The following NAV2 variants were observed in gnomAD, a reference collection of about 807,000 sequenced individuals.
NAV2 encodes the protein neuron navigator 2, also known as helicase, APC down-regulated 1.
A neutral mutation model predicts 223.2 loss-of-function variants in NAV2; 54 were observed. The observed-to-expected ratio is 0.24, with a 90% CI of 0.19 to 0.30. The LOEUF (loss-of-function observed/expected upper bound fraction) is 0.30. Ranked by LOEUF, NAV2 falls within the 10% of genes least tolerant of loss-of-function variation. The pLI is 1.00. For synonymous variants in NAV2, 1,279 were observed against 1,239.3 expected (o/e 1.03, Z -0.67); for missense variants, 2,806 against 3,147.5 (o/e 0.89, Z 2.60).
chr11:19,437,708 GA>G (rs11399913), intron 1 of NAV2, among the ~76,000 whole-genome samples: 1 of 151,674 alleles, frequency 6.6e-6, no homozygotes, highest in South Asian at 2.1e-4. Context: ...GTGCCACTCA[GA>G]AAAAAAAGTT....
At chr11:19,954,449 G>A (rs1276853038) in intron 10 of NAV2, among the ~76,000 whole-genome samples, 2 of 152,020 alleles carry the variant, frequency 1.3e-5, no homozygotes, top group African/African-American at 4.8e-5. Context: ...ATTGGTTTCA[G>A]GACCCCCAGA....
intron 1 of NAV2, among the ~76,000 whole-genome samples, chr11:19,725,936 A>C (rs751856562): frequency 1.3e-5 from 2 of 152,216 alleles, no homozygotes; most frequent in Non-Finnish European, 2.9e-5. Context: ...GTGAGGAAGC[A>C]GGCCATGGGC....
At chr11:19,523,714 A>G (rs554056605) in intron 1 of NAV2, among the ~76,000 whole-genome samples, 1 of 151,576 alleles carries the variant, frequency 6.6e-6, no homozygotes, top group African/African-American at 2.4e-5. Context: ...GAGCTTGATC[A>G]AGGTTTGCAA....
intron 1 of NAV2, among the ~76,000 whole-genome samples, chr11:19,355,771 G>A (rs546568658): frequency 1.6e-4 from 24 of 152,286 alleles, no homozygotes; most frequent in Middle Eastern, 3.4e-3. Flanking sequence ...TGTTTACCCG[G>A]GAACAATGCC....
rs191378471 is a variant in NAV2, at chr11:19,631,154, G to A, written c.76-201330G>A. ...AAGTTTTAGGGTACATGTGCACAAT[G>A]TGCAGGTTAGTTACATATGTATACA... On this transcript the variant is annotated intron_variant, in intron 1 of 37. Transcript: ENST00000360655. 1.2e-4 allele frequency among the ~76,000 whole-genome samples: 18 copies of A among 147,890 alleles called. 1 individual carries two copies. In the Admixed American group the frequency reaches 1.2e-3, roughly 10 times the overall value.
chr11:19,636,059 C>T (rs1445818337), intron 1 of NAV2, among the ~76,000 whole-genome samples: 3 of 152,216 alleles, frequency 2.0e-5, no homozygotes, highest in Admixed American at 1.3e-4. Flanking sequence ...ACGAACTTAT[C>T]TGAGAGCTGT....
intron 11 of NAV2, among the ~76,000 whole-genome samples, chr11:20,034,726 C>T (rs909800882): frequency 2.0e-5 from 3 of 152,172 alleles, no homozygotes; most frequent in African/African-American, 7.2e-5. Flanking sequence ...ATATCTGCTA[C>T]ACCACAGCAA....
At chr11:19,974,313 T>C (rs960210151) in intron 10 of NAV2, among the ~76,000 whole-genome samples, 1 of 152,194 alleles carries the variant, frequency 6.6e-6, no homozygotes. Context: ...AGGTGGAGCA[T>C]GGGGCATTTT....
At chr11:19,986,422 C>A (rs1404708752) in intron 11 of NAV2, among the ~76,000 whole-genome samples, 4 of 152,170 alleles carry the variant, frequency 2.6e-5, no homozygotes, top group Non-Finnish European at 5.9e-5. Flanking sequence ...GAGTTTGAGA[C>A]CAGCCTGGCA....
chr11:20,022,574 C>G (rs1591701616), intron 11 of NAV2: 2 of 985,648 alleles, frequency 2.0e-6, no homozygotes, highest in Middle Eastern at 5.2e-4. Flanking sequence ...CAATCGAATG[C>G]TTTGCCTTCA....
chr11:19,364,232 C>T (rs1414648338), intron 1 of NAV2, among the ~76,000 whole-genome samples: 2 of 152,226 alleles, frequency 1.3e-5, no homozygotes, highest in East Asian at 1.9e-4. Context: ...GCTCCTTTCA[C>T]TCCTATCACT....
chr11:20,102,956 C>G (rs1325462988), intron 32 of NAV2, among the ~76,000 whole-genome samples: 1 of 152,150 alleles, frequency 6.6e-6, no homozygotes, highest in African/African-American at 2.4e-5. Flanking sequence ...ATGTAGCTCT[C>G]AGGCTACACA....
At chr11:19,607,380 G>A (rs1278113397) in intron 1 of NAV2, among the ~76,000 whole-genome samples, 1 of 152,206 alleles carries the variant, frequency 6.6e-6, no homozygotes, top group Non-Finnish European at 1.5e-5. Flanking sequence ...GTTCCACCTT[G>A]CCATCATGAG....
At chr11:19,993,788 GC>G (rs1190982528) in intron 11 of NAV2, among the ~76,000 whole-genome samples, 2 of 152,166 alleles carry the variant, frequency 1.3e-5, no homozygotes, top group Non-Finnish European at 2.9e-5. Flanking sequence ...TTTATTCAAT[GC>G]TATGAGTCAG....
At chr11:19,457,446 G>A (rs773269894) in intron 1 of NAV2, among the ~76,000 whole-genome samples, 1 of 152,182 alleles carries the variant, frequency 6.6e-6, no homozygotes, top group African/African-American at 2.4e-5. Flanking sequence ...TAGTGAGGAC[G>A]AGAAAGAGAA....
At chr11:19,951,890 T>G (rs907488869) in intron 10 of NAV2, among the ~76,000 whole-genome samples, 1 of 152,248 alleles carries the variant, frequency 6.6e-6, no homozygotes, top group East Asian at 1.9e-4. Flanking sequence ...ACCCAATTAC[T>G]GAAACTGGAG....
intron 22 of NAV2, among the ~76,000 whole-genome samples, chr11:20,075,683 A>G (rs2059694012): frequency 6.6e-6 from 1 of 152,020 alleles, no homozygotes; most frequent in Admixed American, 6.6e-5. Context: ...TGTTTAATGA[A>G]GTCTAATAAC....
At chr11:19,467,885 A>G (rs1852424459) in intron 1 of NAV2, among the ~76,000 whole-genome samples, 1 of 152,242 alleles carries the variant, frequency 6.6e-6, no homozygotes, top group African/African-American at 2.4e-5. Flanking sequence ...AGTGGGCTGC[A>G]GAGAAAGGCA....
intron 25 of NAV2, among the ~76,000 whole-genome samples, chr11:20,081,131 A>G (rs866098599): frequency 8.5e-5 from 13 of 152,204 alleles, no homozygotes; most frequent in Non-Finnish European, 8.8e-5. Flanking sequence ...GTCTAGTGAT[A>G]CAGACATCAG....
Sources: allele counts gnomAD v4.1 joint callset (sites outside exome capture counted in the v4.1 genomes callset), GRCh38; gene constraint gnomAD v4.1.1; transcripts MANE v1.5; gene names NCBI Gene and HGNC (gene_info 2026-07-23, HGNC 2026-07-21).